COPG1: variants seen among roughly 807,000 people sequenced by gnomAD.
COPG1 encodes the protein coatomer subunit gamma-1.
COPG1 carries 29 observed loss-of-function variants against 102.8 expected under a neutral mutation model. The observed-to-expected ratio is 0.28, with a 90% CI of 0.21 to 0.38. The LOEUF (loss-of-function observed/expected upper bound fraction) is 0.38, where lower values mean the gene tolerates loss of function less well. Ranked by LOEUF, COPG1 falls within the 10% of genes least tolerant of loss-of-function variation. The pLI, the probability that COPG1 is intolerant of heterozygous loss-of-function variation, is 1.00. For missense variants in COPG1, 875 were observed against 1,132.7 expected (o/e 0.77, Z 3.27); for synonymous variants, 406 against 421.6 (o/e 0.96, Z 0.45).
chr3:129,261,890 C>G (rs1347460138), intron 12 of COPG1, among the ~76,000 whole-genome samples: 1 of 152,224 alleles, frequency 6.6e-6, no homozygotes, highest in East Asian at 1.9e-4. Context: ...TAACCCCTGG[C>G]AGCCATTAAT....
intron 10 of COPG1, among the ~76,000 whole-genome samples, chr3:129,258,449 G>A (rs1000410544): frequency 2.0e-5 from 3 of 152,160 alleles, no homozygotes; most frequent in Admixed American, 6.6e-5. Context: ...GTTGTTTGCC[G>A]TTTGCTGTTT....
At position 129,271,368 on chromosome 3, in the gene COPG1, C is replaced by T. The variant is rs529601651; in HGVS notation, c.1844-399C>T. 5.9e-5 allele frequency among the ~76,000 whole-genome samples: 9 copies of T among 152,322 alleles called. No homozygotes were observed. The South Asian group carries it at 1.5e-3, about 25-fold the overall frequency. ...TTTGTTATTTTGTCTGATTTTGTAG[C>T]TATAGCAGTATCGATCTTATTTTCC... On this transcript the variant is annotated intron_variant, in intron 18 of 23. Transcript: ENST00000314797. This position sits in a 1 kb window ranked among gnomAD's most constrained non-coding sequence, Gnocchi z 4.7.
At chr3:129,252,453 C>T (rs770794831) in intron 3 of COPG1, 92 bp downstream of exon 3, 122 of 1,090,642 alleles carry the variant, frequency 1.1e-4, no homozygotes, top group Non-Finnish European at 1.6e-4. Flanking sequence ...TATTGGACAG[C>T]CTCTGTGTGG....
At chr3:129,260,922 A>T in intron 12 of COPG1, 115 bp downstream of exon 12, 5 of 1,107,304 alleles carry the variant, frequency 4.5e-6, no homozygotes, top group Non-Finnish European at 6.5e-6. Context: ...AGCCTTGAGG[A>T]CTCAGAGGAG....
intron 16 of COPG1, 102 bp from the exon 17 acceptor site, chr3:129,268,393 C>T: frequency 1.7e-6 from 2 of 1,184,318 alleles, no homozygotes. Context: ...CAGGGTCATA[C>T]TACTTAGGAC....
At chr3:129,274,259 G>A in intron 21 of COPG1, 1 of 359,448 alleles carries the variant, frequency 2.8e-6, no homozygotes, top group Non-Finnish European at 5.5e-6. Context: ...CAGGAGTAGG[G>A]CCTCAGTGAA....
chr3:129,277,058 A>G (rs1164090299), intron 23 of COPG1, among the ~76,000 whole-genome samples: 1 of 151,752 alleles, frequency 6.6e-6, no homozygotes, highest in Non-Finnish European at 1.5e-5. Context: ...TCCTGACCTC[A>G]TGATCTGCCC....
chr3:129,265,091 G>A (rs1048352368), intron 13 of COPG1, among the ~76,000 whole-genome samples: 1 of 151,880 alleles, frequency 6.6e-6, no homozygotes, highest in African/African-American at 2.4e-5. Flanking sequence ...AAAGTGCTGG[G>A]ATTACAGACG....
In COPG1 at chr3:129,271,718, G is replaced by T. The variant is rs1336864770; in HGVS notation, c.1844-49G>T. On this transcript the variant is annotated intron_variant, in intron 18 of 23. Coordinates refer to ENST00000314797, the MANE Select transcript of COPG1 (RefSeq NM_016128.4). This position sits in a 1 kb window ranked among gnomAD's most constrained non-coding sequence, Gnocchi z 4.7. Reference sequence around the variant, plus strand: ...GGAATTTATTAGAAACCATCAACAAGTTGGTCTGGGGATCGAGAAGCTGAG... The same window carrying T: ...GGAATTTATTAGAAACCATCAACAATTTGGTCTGGGGATCGAGAAGCTGAG... 6.2e-7 allele frequency: 1 copy of T among 1,605,744 alleles called. No homozygotes were observed. Among genetic ancestry groups the T allele is most frequent in the Admixed American group, 1.7e-5 (1 of 59,262 alleles).
intron 5 of COPG1, chr3:129,253,165 C>T (rs2107672712): frequency 2.0e-6 from 1 of 512,362 alleles, no homozygotes; most frequent in East Asian, 3.4e-5. Context: ...ACAAATGCTT[C>T]CTTTTCTTGA....
Position 129,275,388 on chromosome 3 carries a change from C to T in COPG1, c.2494+96C>T. ...GGACTCCACTGTAAATATGGGGAGTCAAAATTCACAGCATTTAAAATTCAC... is the reference window on the plus strand; with the variant it reads ...GGACTCCACTGTAAATATGGGGAGTTAAAATTCACAGCATTTAAAATTCAC... On this transcript the variant is annotated intron_variant, in intron 23 of 23. Coordinates refer to ENST00000314797, the MANE Select transcript of COPG1 (RefSeq NM_016128.4). The surrounding 1 kb of genome is among the most constrained non-coding windows in gnomAD (Gnocchi z 5.0). 1.2e-6 allele frequency: 1 copy of T among 817,120 alleles called. No individual in the cohort carries two copies. The highest frequency in any genetic ancestry group is 2.0e-6 in the Non-Finnish European group (1 of 499,782). 50.6% of individuals were successfully genotyped at this position (817,120 alleles called of 1,614,324 possible). A position where few individuals can be genotyped will look rare whatever the true frequency, so the allele number is the denominator to read the frequency against.
intron 7 of COPG1, among the ~76,000 whole-genome samples, chr3:129,255,628 G>A (rs1298348209): frequency 6.6e-6 from 1 of 151,902 alleles, no homozygotes; most frequent in Non-Finnish European, 1.5e-5. Flanking sequence ...GATTGCAGGT[G>A]TGCACCACCA....
In COPG1 at chr3:129,271,906, T is replaced by C; in HGVS notation, c.1983T>C (p.Phe661=). 1 of 1,613,940 alleles carries C rather than the reference T, an allele frequency of 6.2e-7. No individual in the cohort carries two copies. Among genetic ancestry groups the C allele is most frequent in the Non-Finnish European group, 8.5e-7 (1 of 1,179,958 alleles). The change falls in exon 19 of 24, where the codon TTT becomes TTC. Residue 661 remains phenylalanine, a synonymous_variant. Transcript: ENST00000314797. This position sits in a 1 kb window ranked among gnomAD's most constrained non-coding sequence, Gnocchi z 4.7. Reference sequence around the variant, plus strand: ...ACACCTTCACCAACCACATGGTTTTTCAGGTGAGCAAGGTGGGCTGAGGCC... The same window carrying C: ...ACACCTTCACCAACCACATGGTTTTCCAGGTGAGCAAGGTGGGCTGAGGCC... ...TKHTFTNHMV[F]QFDCTNTLND...
rs1265331511 is a variant in COPG1 at position 129,265,635 on chromosome 3, A to T, written c.1311A>T (p.Ser437=). The T allele has an allele frequency of 5.0e-6, 8 of 1,614,074 alleles. No homozygotes were observed. The highest frequency in any genetic ancestry group is 1.6e-4 in the Middle Eastern group (1 of 6,084). ...CAGAGAGCAAGGAGACAGGGCTGTC[A>T]CATCTGTGCGAGTTCATCGAGGACT... ...ENSESKETGL[S]HLCEFIEDCE... Residue 437 remains serine, a synonymous_variant, in exon 14 of 24, where the codon TCA becomes TCT. Coordinates refer to ENST00000314797, the MANE Select transcript of COPG1 (RefSeq NM_016128.4).
At chr3:129,255,293 C>T (rs1168191905) in intron 7 of COPG1, among the ~76,000 whole-genome samples, 3 of 151,756 alleles carry the variant, frequency 2.0e-5, no homozygotes, top group Non-Finnish European at 2.9e-5. Flanking sequence ...ATTTTCTTGC[C>T]TCAGCCTCTT....
Position 129,257,845 on chromosome 3 carries a change from G to T in COPG1, c.856G>T (p.Ala286Ser). 6.2e-7 allele frequency: 1 copy of T among 1,613,548 alleles called. No homozygotes were observed. Among genetic ancestry groups the T allele is most frequent in the Non-Finnish European group, 8.5e-7 (1 of 1,179,998 alleles). ...NLPGCSAKEL[A>S]PAVSVLQLFC... ...GCCAGGCTGCAGTGCCAAAGAGCTG[G>T]CCCCGGCTGTGTCAGGTCACTGGGC... Residue 286 changes from alanine (A) to serine (S), a missense_variant, in exon 10 of 24, where the codon GCC (alanine) becomes TCC (serine). Physicochemically the swap from Ala to Ser is moderately conservative, Grantham distance 99. Transcript: ENST00000314797.
Position 129,271,936 on chromosome 3 carries a change from TG to T in COPG1, c.1986+31del, listed in dbSNP as rs1940188667. ...TGAGCAAGGTGGGCTGAGGCCCTGC[TG>T]GGGCATGCGCCCAGGGAGTTGTCCC... On this transcript the variant is annotated intron_variant, in intron 19 of 23. Transcript: ENST00000314797. The surrounding 1 kb of genome is among the most constrained non-coding windows in gnomAD (Gnocchi z 4.7). 1 of 1,611,382 alleles carries T rather than the reference TG, an allele frequency of 6.2e-7. No individual in the cohort carries two copies.
At position 129,252,346 on chromosome 3, in the gene COPG1, T is replaced by C; in HGVS notation, c.156T>C (p.Leu52=). Reference sequence around the variant, plus strand: ...GTGCCCACATCCTCACCAAGATTCTTTATCTCATAAACCAGGTAACAGGGT... The same window carrying C: ...GTGCCCACATCCTCACCAAGATTCTCTATCTCATAAACCAGGTAACAGGGT... ...RKCAHILTKI[L]YLINQGEHLG... The change falls in exon 3 of 24, where the codon CTT becomes CTC. Residue 52 remains leucine, a synonymous_variant. Transcript: ENST00000314797. 2 of 1,611,468 alleles carry C rather than the reference T, an allele frequency of 1.2e-6. No homozygotes were observed. Among genetic ancestry groups the C allele is most frequent in the Non-Finnish European group, 1.7e-6 (2 of 1,177,634 alleles).
intron 17 of COPG1, 67 bp from the exon 18 acceptor site, chr3:129,268,865 G>A: frequency 7.0e-7 from 1 of 1,427,398 alleles, no homozygotes; most frequent in African/African-American, 1.4e-5. Context: ...TAATAGCACT[G>A]GGGTCACCAC....
Sources: gnomAD v4.1 joint callset for allele counts (sites outside exome capture counted in the v4.1 genomes callset) on GRCh38, gnomAD v4.1.1 for gene constraint, Gnocchi (gnomAD v3.1) non-coding constraint, MANE v1.5 for transcripts, NCBI Gene and HGNC (gene_info 2026-07-23, HGNC 2026-07-21) for gene names.